VPS13A: variants seen among roughly 807,000 people sequenced by gnomAD.
VPS13A encodes vacuolar protein sorting 13 homolog A.
VPS13A carries 264 observed loss-of-function variants against 390.9 expected under a neutral mutation model. The observed-to-expected ratio is 0.68, with a 90% CI of 0.61 to 0.75. The LOEUF (loss-of-function observed/expected upper bound fraction) is 0.75, where lower values mean the gene tolerates loss of function less well. Ranked by LOEUF, VPS13A falls within the 30% of genes least tolerant of loss-of-function variation. The probability of loss-of-function intolerance (pLI) is 0.00; values close to 1 mark genes in which losing one functional copy is unlikely to be tolerated. For missense variants in VPS13A, 3,409 were observed against 3,733.9 expected, an observed-to-expected ratio of 0.91 and a Z score of 2.27; for synonymous variants, 1,231 against 1,227.1, an observed-to-expected ratio of 1.00 and a Z score of -0.07.
At chr9:77,347,836 C>T (rs1024722802) in intron 52 of VPS13A, among the ~76,000 whole-genome samples, 3 of 151,638 alleles carry the variant, frequency 2.0e-5, no homozygotes, top group Non-Finnish European at 4.4e-5. Context: ...CTTTCCGTGG[C>T]CTAAATCTTA....
intron 45 of VPS13A, among the ~76,000 whole-genome samples, chr9:77,328,927 C>A (rs1281401760): frequency 1.3e-5 from 2 of 152,170 alleles, no homozygotes; most frequent in African/African-American, 4.8e-5. Context: ...AGGAAACTTA[C>A]AATCATGGCA....
chr9:77,226,988 T>A (rs891614748), intron 15 of VPS13A, among the ~76,000 whole-genome samples: 2 of 152,140 alleles, frequency 1.3e-5, no homozygotes, highest in Non-Finnish European at 2.9e-5. Flanking sequence ...ATGTTTTAGA[T>A]CTATCACTTA....
chr9:77,312,540 C>T (rs1374576400), intron 35 of VPS13A, among the ~76,000 whole-genome samples: 1 of 152,022 alleles, frequency 6.6e-6, no homozygotes, highest in African/African-American at 2.4e-5. Context: ...CATTCTCCTG[C>T]CTCAGCCTCC....
intron 68 of VPS13A, chr9:77,385,028 G>A: frequency 2.0e-6 from 2 of 1,022,512 alleles, no homozygotes; most frequent in Non-Finnish European, 2.3e-6. Flanking sequence ...TTAGCAAAAT[G>A]CCTTTTTTTA....
rs746048000 is a variant in VPS13A at position 77,220,010 on chromosome 9, G to T, written c.811G>T (p.Asp271Tyr). The T allele has an allele frequency of 4.3e-6, 7 of 1,613,208 alleles. No homozygotes were observed. The Admixed American group carries it at 1.2e-4, about 27-fold the overall frequency. Residue 271 changes from aspartate to tyrosine, a missense_variant, in exon 11 of 72, where the codon GAC becomes TAC. Asp to Tyr is a radical substitution (Grantham distance 160). Transcript: ENST00000360280. ...TGTGATGAATCGCCGATCTGATTTT[G>T]ACTTTTCTGCCCCCAAAATAAACTT... ...KLVMNRRSDF[D>Y]FSAPKINLEI...
Position 77,283,362 on chromosome 9 carries a change from A to C in VPS13A, c.3126A>C (p.Lys1042Asn), listed in dbSNP as rs1238483912. Residue 1042 changes from lysine (K) to asparagine (N), a missense_variant, in exon 30 of 72, where the codon AAA becomes AAC. Physicochemically the swap from Lys to Asn is moderately conservative, Grantham distance 94 (BLOSUM62 0). Around this residue, in one of 5 missense-constraint regions of VPS13A, gnomAD observed 2,717 missense variants for 2,917.4 expected, o/e 0.93. Transcript: ENST00000360280. ...ATGAATTTTTTTTTGCAGCTTTAAA[A>C]CTATCCACAAATGAAGATATCATTA... Reference protein sequence around the residue: ...KGDVIKKLALKLSTNEDIITL... With the variant: ...KGDVIKKLALNLSTNEDIITL... The C allele has an allele frequency of 1.3e-6, 2 of 1,588,454 alleles. No homozygotes were observed. Among genetic ancestry groups the C allele is most frequent in the Non-Finnish European group, 8.6e-7 (1 of 1,158,654 alleles).
At chr9:77,290,563 G>C (rs1827591472) in intron 31 of VPS13A, among the ~76,000 whole-genome samples, 1 of 147,884 alleles carries the variant, frequency 6.8e-6, no homozygotes, top group African/African-American at 2.5e-5. Context: ...TTGAATTCCT[G>C]AAATTCTTGC....
intron 68 of VPS13A, among the ~76,000 whole-genome samples, chr9:77,396,918 A>G (rs1350278184): frequency 3.3e-5 from 5 of 152,242 alleles, no homozygotes; most frequent in African/African-American, 4.8e-5. Context: ...TAACCAGTCT[A>G]TAAAACCATT....
rs1831908672 is a variant in VPS13A, at chr9:77,357,929, T to A, written c.7953+91T>A. ...TTCCCATGGTCTGCTTTATCTAGTA[T>A]TCAGTTTCAATGTTGTGCTAGCCTT... On this transcript the variant is annotated intron_variant, in intron 56 of 71. Coordinates refer to ENST00000360280, the MANE Select transcript of VPS13A (RefSeq NM_033305.3). 3.3e-6 allele frequency: 4 copies of A among 1,195,748 alleles called. No individual in the cohort carries two copies. In the South Asian group the frequency reaches 5.5e-5, roughly 16 times the overall value. The allele number at this position is 1,195,748 out of a possible 1,614,324, so 74.1% of individuals were successfully genotyped here.
chr9:77,323,228 G>T lies in VPS13A; in HGVS notation c.5991+1G>T. ...GGTCACAATTCGCTCCCCAGTGCAG[G>T]TATGAAATGATCAATTTTGGGGGAT... On this transcript the variant is annotated splice_donor_variant, in intron 45 of 71. Transcript: ENST00000360280. LOFTEE classifies it high-confidence loss of function. 1.2e-5 allele frequency: 20 copies of T among 1,612,814 alleles called. No individual in the cohort carries two copies. The highest frequency in any genetic ancestry group is 1.7e-5 in the Non-Finnish European group (20 of 1,179,138).
chr9:77,328,558 A>C (rs1173140408), intron 45 of VPS13A, among the ~76,000 whole-genome samples: 1 of 152,168 alleles, frequency 6.6e-6, no homozygotes, highest in African/African-American at 2.4e-5. Flanking sequence ...TCTAGTTTGG[A>C]AATCTGTTGT....
chr9:77,344,505 A>G (rs1416559444), intron 51 of VPS13A, among the ~76,000 whole-genome samples: 1 of 152,106 alleles, frequency 6.6e-6, no homozygotes, highest in Non-Finnish European at 1.5e-5. Context: ...CGCCTGTAAC[A>G]CCAGCACTTT....
chr9:77,380,889 A>C (rs995928611), intron 67 of VPS13A, among the ~76,000 whole-genome samples: 3 of 152,152 alleles, frequency 2.0e-5, no homozygotes. Context: ...GCCGCTGCTG[A>C]TATGACAGGA....
chr9:77,178,120 A>T, intron 1 of VPS13A: 1 of 332,838 alleles, frequency 3.0e-6, no homozygotes, highest in South Asian at 2.6e-5. Context: ...GCCGTTCTCT[A>T]CCCCTGGCCC....
At position 77,323,049 on chromosome 9, in the gene VPS13A, C is replaced by T; in HGVS notation, c.5831-18C>T. Reference sequence around the variant, plus strand: ...ATGAATTATAATAAAAACTTTTAAACATACTTACTTAATTTAGCACCTGTT... The same window carrying T: ...ATGAATTATAATAAAAACTTTTAAATATACTTACTTAATTTAGCACCTGTT... On this transcript the variant is annotated intron_variant, in intron 44 of 71. Transcript: ENST00000360280. 1.3e-6 allele frequency: 2 copies of T among 1,586,270 alleles called. No individual in the cohort carries two copies. The highest frequency in any genetic ancestry group is 1.7e-6 in the Non-Finnish European group (2 of 1,159,854).
At chr9:77,280,765 TAAG>T (rs1826969703) in intron 27 of VPS13A, among the ~76,000 whole-genome samples, 1 of 152,214 alleles carries the variant, frequency 6.6e-6, no homozygotes, top group South Asian at 2.1e-4. Flanking sequence ...TACTTTATAA[TAAG>T]AATAATGCAG....
chr9:77,276,307 A>T (rs1315880975), intron 26 of VPS13A, 86 bp downstream of exon 26: 1 of 1,239,740 alleles, frequency 8.1e-7, no homozygotes, highest in African/African-American at 1.5e-5. Flanking sequence ...TAGGCTCTGA[A>T]TCAGTACATT....
chr9:77,403,181 A>C lies in VPS13A; in HGVS notation c.9190-55A>C, dbSNP rs1001208377. ...TAGAGGACTATAAGGCATTGTTTGC[A>C]TTACAGTAGGAAATACTATCAATTT... On this transcript the variant is annotated intron_variant, in intron 68 of 71. Transcript: ENST00000360280. 3.8e-6 allele frequency: 5 copies of C among 1,302,874 alleles called. No homozygotes were observed. The African/African-American group carries it at 7.3e-5, about 19-fold the overall frequency. The allele number at this position is 1,302,874 out of a possible 1,614,324, so 80.7% of individuals were successfully genotyped here.
chr9:77,302,929 A>G lies in VPS13A; in HGVS notation c.3827A>G (p.Asn1276Ser), dbSNP rs148807565. 7.4e-6 allele frequency: 12 copies of G among 1,613,530 alleles called. No homozygotes were observed. The highest frequency in any genetic ancestry group is 1.6e-4 in the Middle Eastern group (1 of 6,080). Residue 1276 changes from asparagine (N) to serine (S), a missense_variant, in exon 34 of 72, where the codon AAT becomes AGT. By Grantham distance (46) the Asn-to-Ser change is conservative. This residue lies in a region of VPS13A where 2,717 missense variants were observed against 2,917.4 expected (regional missense o/e 0.93). Coordinates refer to ENST00000360280, the MANE Select transcript of VPS13A (RefSeq NM_033305.3). Reference sequence around the variant, plus strand: ...TCTACTTATAGATCTCGATTTATTAATGATGCATACCAGGAAGTACTGGAT... The same window carrying G: ...TCTACTTATAGATCTCGATTTATTAGTGATGCATACCAGGAAGTACTGGAT... ...EMRLYRSRFI[N>S]DAYQEVLDLL... is the part of the protein sequence containing the mutation.
Sources: allele counts gnomAD v4.1 joint callset (sites outside exome capture counted in the v4.1 genomes callset), GRCh38; gene constraint gnomAD v4.1.1; regional missense constraint gnomAD v4.1.1; transcripts MANE v1.5; gene names NCBI Gene and HGNC (gene_info 2026-07-23, HGNC 2026-07-21).